The following CDK12 variants were observed in gnomAD, a reference collection of about 807,000 sequenced individuals.
CDK12 encodes the protein cyclin dependent kinase 12, also known as cyclin-dependent kinase 12.
In CDK12, 17 loss-of-function variants were observed where a neutral mutation model predicts 133.8. The observed-to-expected ratio is 0.13, with a 90% CI of 0.09 to 0.19. The LOEUF (loss-of-function observed/expected upper bound fraction) is 0.19, where lower values mean the gene tolerates loss of function less well. Among genes scored for constraint, CDK12 ranks in the 10% least tolerant of loss-of-function variants. The pLI, the probability that CDK12 is intolerant of heterozygous loss-of-function variation, is 1.00. For synonymous variants in CDK12, 694 were observed against 683.6 expected (o/e 1.02, Z -0.24); for missense variants, 1,508 against 1,818.7 (o/e 0.83, Z 3.11).
intron 7 of CDK12, 126 bp downstream of exon 7, chr17:39,509,887 AC>A: frequency 1.4e-6 from 1 of 716,372 alleles, no homozygotes; most frequent in Non-Finnish European, 2.5e-6. Flanking sequence ...TGCAGCCTCA[AC>A]CTCTGTGGGC....
At chr17:39,564,691 T>G (rs1464642694) in intron 3 of CDK12, 2 of 152,202 alleles carry the variant, frequency 1.3e-5, no homozygotes, top group East Asian at 3.9e-4. Flanking sequence ...AATATCTGTG[T>G]CTATATTCAG....
intron 2 of CDK12, among the ~76,000 whole-genome samples, chr17:39,481,659 T>G (rs1167804870): frequency 0.011 from 176 of 16,736 alleles, 29 homozygotes; most frequent in Non-Finnish European, 0.018. Flanking sequence ...TCTCTCTCTC[T>G]CTCTCTCTCT....
Position 39,494,667 on chromosome 17 carries a change from G to T in CDK12, c.2392G>T (p.Asp798Tyr). The T allele has an allele frequency of 6.3e-7, 1 of 1,581,184 alleles. No homozygotes were observed. The highest frequency in any genetic ancestry group is 8.6e-7 in the Non-Finnish European group (1 of 1,163,218). The change falls in exon 5 of 14, where the codon GAT becomes TAT. Residue 798 changes from aspartate to tyrosine, a missense_variant. By Grantham distance (160) the Asp-to-Tyr change is radical (BLOSUM62 -3). Around this residue, in one of 9 missense-constraint regions of CDK12, gnomAD observed 74 missense variants for 160.2 expected, o/e 0.46. Coordinates refer to ENST00000447079, the MANE Select transcript of CDK12 (RefSeq NM_016507.4). ...NMKEIVTDKQ[D>Y]ALDFKKDKGA... Reference sequence around the variant, plus strand: ...GAAGGAAATTGTCACAGATAAACAAGATGCACTGGATTTCAAGAAGGACAA... The same window carrying T: ...GAAGGAAATTGTCACAGATAAACAATATGCACTGGATTTCAAGAAGGACAA...
At chr17:39,555,199 CGCACCACT>C (rs2056107576) in intron 2 of CDK12, among the ~76,000 whole-genome samples, 1 of 151,990 alleles carries the variant, frequency 6.6e-6, no homozygotes, top group Non-Finnish European at 1.5e-5. Flanking sequence ...GAGCCGAGAT[CGCACCACT>C]GCACCACTGT....
At chr17:39,496,444 A>C (rs971402628) in intron 5 of CDK12, among the ~76,000 whole-genome samples, 7 of 152,118 alleles carry the variant, frequency 4.6e-5, no homozygotes. Flanking sequence ...TCACCCCTGT[A>C]ATCTCAGCAC....
In CDK12 at chr17:39,525,854, C is replaced by G; in HGVS notation, c.3308-10C>G. 1 of 1,608,666 alleles carries G rather than the reference C, an allele frequency of 6.2e-7. No homozygotes were observed. The highest frequency in any genetic ancestry group is 8.5e-7 in the Non-Finnish European group (1 of 1,176,284). On this transcript the variant is annotated splice_polypyrimidine_tract_variant and intron_variant, in intron 12 of 13. Transcript: ENST00000447079. ...CATCGTCTTATATTGGCTTCACTGTCTTTCAACAGGCCTTGCTGACATCAC... is the reference window on the plus strand; with the variant it reads ...CATCGTCTTATATTGGCTTCACTGTGTTTCAACAGGCCTTGCTGACATCAC...
chr17:39,522,619 A>G (rs987354622), intron 11 of CDK12, among the ~76,000 whole-genome samples: 2 of 151,772 alleles, frequency 1.3e-5, no homozygotes, highest in Non-Finnish European at 2.9e-5. Flanking sequence ...TTTTTAGTAG[A>G]GATGAGGTTT....
chr17:39,504,677 G>A (rs951012904), intron 6 of CDK12, among the ~76,000 whole-genome samples: 1 of 151,740 alleles, frequency 6.6e-6, no homozygotes, highest in Admixed American at 6.6e-5. Context: ...CTAGGAGTTC[G>A]AGACCAGCCT....
intron 9 of CDK12, among the ~76,000 whole-genome samples, chr17:39,516,983 G>A (rs930589218): frequency 1.3e-5 from 2 of 152,050 alleles, no homozygotes; most frequent in African/African-American, 4.8e-5. Flanking sequence ...TTTTTTAAAG[G>A]TGATAAAGGT....
At chr17:39,488,535 G>A (rs941530638) in intron 2 of CDK12, among the ~76,000 whole-genome samples, 13 of 151,632 alleles carry the variant, frequency 8.6e-5, no homozygotes, top group Admixed American at 6.6e-4. Flanking sequence ...AAATATCTTC[G>A]GCAATTTATA....
At position 39,530,809 on chromosome 17, in the gene CDK12, C is replaced by G. The variant is rs1233378767; in HGVS notation, c.3966C>G (p.Ala1322=). 1 of 1,614,196 alleles carries G rather than the reference C, an allele frequency of 6.2e-7. No homozygotes were observed. Among genetic ancestry groups the G allele is most frequent in the Non-Finnish European group, 8.5e-7 (1 of 1,180,034 alleles). The part of the protein sequence containing the change: ...PPGHLPHEHQ[A]LRPMEYSTRP... The stretch of plus-strand genomic sequence containing the variant: ...GCCACCTGCCACATGAGCACCAGGC[C>G]TTGAGACCAATGGAGTACTCCACCC... Residue 1322 remains alanine (A), a synonymous_variant, in exon 14 of 14, where the codon GCC becomes GCG. Coordinates refer to ENST00000447079, the MANE Select transcript of CDK12 (RefSeq NM_016507.4).
chr17:39,481,439 C>T (rs958401110), intron 2 of CDK12, among the ~76,000 whole-genome samples: 1 of 150,202 alleles, frequency 6.7e-6, no homozygotes, highest in African/African-American at 2.4e-5. Context: ...TCCTGAGTAG[C>T]TGGGACTACA....
At chr17:39,477,573 TA>T (rs1432773993) in intron 2 of CDK12, among the ~76,000 whole-genome samples, 47 of 146,362 alleles carry the variant, frequency 3.2e-4, no homozygotes, top group Admixed American at 8.3e-4. Flanking sequence ...ATTTATTATT[TA>T]TTTTTTTTTT....
intron 2 of CDK12, among the ~76,000 whole-genome samples, chr17:39,556,075 G>C (rs1217192740): frequency 6.7e-6 from 1 of 150,004 alleles, no homozygotes; most frequent in Non-Finnish European, 1.5e-5. Context: ...GATGCCACAT[G>C]CTCCCTAATC....
At chr17:39,535,557 A>G (rs1424688360), downstream of CDK12, among the ~76,000 whole-genome samples, 1 of 152,200 alleles carries the variant, frequency 6.6e-6, no homozygotes, top group Admixed American at 6.5e-5. Flanking sequence ...TACTGTTTTC[A>G]CTTCATAGCA....
chr17:39,522,950 G>A (rs545388074), intron 11 of CDK12, among the ~76,000 whole-genome samples: 7 of 152,108 alleles, frequency 4.6e-5, no homozygotes, highest in African/African-American at 1.7e-4. Context: ...CTACTCAGGA[G>A]GCTGAGGGAG....
chr17:39,511,171 C>T (rs996016396), intron 7 of CDK12, among the ~76,000 whole-genome samples: 70 of 138,190 alleles, frequency 5.1e-4, no homozygotes, highest in Non-Finnish European at 5.6e-4. Flanking sequence ...GCCAAGATGG[C>T]GCCACTGCAC....
Position 39,462,683 on chromosome 17 carries a change from G to T in CDK12, c.612G>T (p.Arg204Ser). 1 of 1,614,138 alleles carries T rather than the reference G, an allele frequency of 6.2e-7. No individual in the cohort carries two copies. Among genetic ancestry groups the T allele is most frequent in the Non-Finnish European group, 8.5e-7 (1 of 1,180,024 alleles). ...HKDRSKSHRK[R>S]ETPKSYKTVD... ...ACCGGAGTAAAAGTCATCGAAAAAGGGAAACACCCAAAAGTTACAAAACAG... is the reference window on the plus strand; with the variant it reads ...ACCGGAGTAAAAGTCATCGAAAAAGTGAAACACCCAAAAGTTACAAAACAG... The change falls in exon 1 of 14, where the codon AGG (arginine) becomes AGT (serine). Residue 204 changes from arginine to serine, a missense_variant. Transcript: ENST00000447079.
chr17:39,498,649 C>T (rs2052333065), intron 5 of CDK12, among the ~76,000 whole-genome samples: 1 of 152,112 alleles, frequency 6.6e-6, no homozygotes, highest in African/African-American at 2.4e-5. Context: ...CTTGCCTCAG[C>T]CTCCCAAGTA....
Sources: allele counts gnomAD v4.1 joint callset (sites outside exome capture counted in the v4.1 genomes callset), GRCh38; gene constraint gnomAD v4.1.1; regional missense constraint gnomAD v4.1.1; transcripts MANE v1.5; gene names NCBI Gene and HGNC (gene_info 2026-07-23, HGNC 2026-07-21).